EIF5B: variants seen among roughly 807,000 people sequenced by gnomAD.
EIF5B encodes eIF-5B.
Under a neutral mutation model 147.5 loss-of-function variants are expected in EIF5B, and 47 were observed. The observed-to-expected ratio is 0.32, with a 90% CI of 0.25 to 0.41. The LOEUF (loss-of-function observed/expected upper bound fraction) is 0.41. Ranked by LOEUF, EIF5B falls within the 10% of genes least tolerant of loss-of-function variation. The pLI, the probability that EIF5B is intolerant of heterozygous loss-of-function variation, is 1.00. For missense variants in EIF5B, 1,064 were observed against 1,413.2 expected, an observed-to-expected ratio of 0.75 and a Z score of 3.96; for synonymous variants, 455 against 456.2, an observed-to-expected ratio of 1.00 and a Z score of 0.03.
At chr2:99,368,736 C>A in intron 7 of EIF5B, 145 bp downstream of exon 7, 1 of 642,360 alleles carries the variant, frequency 1.6e-6, no homozygotes, top group Non-Finnish European at 2.7e-6. Flanking sequence ...CTTATTAATG[C>A]CATTATTCTC....
intron 1 of EIF5B, among the ~76,000 whole-genome samples, chr2:99,347,581 C>G (rs1310776692): frequency 6.6e-6 from 1 of 151,594 alleles, no homozygotes; most frequent in Non-Finnish European, 1.5e-5. Flanking sequence ...TGTCCTATAA[C>G]TATACTTTGA....
At chr2:99,362,765 CT>C (rs1028296641) in intron 4 of EIF5B, among the ~76,000 whole-genome samples, 5 of 149,202 alleles carry the variant, frequency 3.4e-5, no homozygotes, top group South Asian at 2.1e-4. Flanking sequence ...ATTGACACAA[CT>C]TTTTTTTTTG....
chr2:99,380,233 A>G (rs181459064), intron 12 of EIF5B, among the ~76,000 whole-genome samples: 3 of 152,078 alleles, frequency 2.0e-5, no homozygotes, highest in East Asian at 3.9e-4. Flanking sequence ...TTTGCCCTTC[A>G]TAGAGACAGG....
intron 1 of EIF5B, among the ~76,000 whole-genome samples, chr2:99,354,363 C>A (rs1458382218): frequency 6.6e-6 from 1 of 152,016 alleles, no homozygotes; most frequent in Admixed American, 6.6e-5. Context: ...TGCCTTTTGC[C>A]CATTTTTTAA....
At chr2:99,364,017 A>G (rs1236964121) in intron 5 of EIF5B, among the ~76,000 whole-genome samples, 155 bp downstream of exon 5, 1 of 152,238 alleles carries the variant, frequency 6.6e-6, no homozygotes, top group African/African-American at 2.4e-5. Context: ...ATGAAGAGGT[A>G]CAGCACATCT....
intron 10 of EIF5B, among the ~76,000 whole-genome samples, chr2:99,376,853 A>C (rs925330219): frequency 6.6e-6 from 1 of 152,108 alleles, no homozygotes; most frequent in African/African-American, 2.4e-5. Context: ...TGGTGTGACT[A>C]CTTCATTTTT....
At chr2:99,383,163 C>G (rs370288573) in intron 14 of EIF5B, among the ~76,000 whole-genome samples, 8 of 151,892 alleles carry the variant, frequency 5.3e-5, no homozygotes, top group African/African-American at 1.7e-4. Context: ...TGCCATTTTT[C>G]CAACAGCTTG....
intron 1 of EIF5B, among the ~76,000 whole-genome samples, chr2:99,348,743 T>C (rs898126546): frequency 6.6e-6 from 1 of 152,226 alleles, no homozygotes; most frequent in Admixed American, 6.5e-5. Context: ...TTTAATACTT[T>C]GAGGTTTTGG....
At chr2:99,389,568 G>A in intron 14 of EIF5B, 150 bp from the exon 15 acceptor site, 2 of 598,068 alleles carry the variant, frequency 3.3e-6, no homozygotes, top group South Asian at 1.0e-4. Context: ...TAAGCAGTCT[G>A]AAAGGAGCTT....
chr2:99,371,493 A>G (rs1331359593), intron 8 of EIF5B, among the ~76,000 whole-genome samples, 163 bp from the exon 9 acceptor site: 1 of 151,922 alleles, frequency 6.6e-6, no homozygotes, highest in Non-Finnish European at 1.5e-5. Context: ...CGTCTCAAAA[A>G]AAAAAAAAAA....
intron 1 of EIF5B, among the ~76,000 whole-genome samples, chr2:99,354,324 G>A (rs955591473): frequency 2.0e-5 from 3 of 152,180 alleles, no homozygotes; most frequent in African/African-American, 7.2e-5. Flanking sequence ...TATTTGCCAT[G>A]TGTATATCTT....
chr2:99,379,833 G>A (rs1285602139), intron 12 of EIF5B, among the ~76,000 whole-genome samples: 1 of 151,960 alleles, frequency 6.6e-6, no homozygotes, highest in Non-Finnish European at 1.5e-5. Context: ...GTTTATGTAT[G>A]TTAAATGTAA....
intron 5 of EIF5B, 31 bp from the exon 6 acceptor site, chr2:99,364,240 C>G: frequency 6.5e-7 from 1 of 1,536,398 alleles, no homozygotes; most frequent in Non-Finnish European, 8.7e-7. Context: ...TAAATGAATA[C>G]AGGTTTTGTC....
chr2:99,398,624 G>A, intron 22 of EIF5B, 124 bp from the exon 23 acceptor site: 2 of 999,926 alleles, frequency 2.0e-6, no homozygotes, highest in Middle Eastern at 3.3e-4. Flanking sequence ...GTGATGAAAG[G>A]ATCGCACTGC....
chr2:99,369,844 C>CG (rs1674408081), intron 8 of EIF5B, among the ~76,000 whole-genome samples: 1 of 151,512 alleles, frequency 6.6e-6, no homozygotes, highest in Non-Finnish European at 1.5e-5. Context: ...GGGGTGGTGG[C>CG]GGGTGCCTGT....
Position 99,363,793 on chromosome 2 carries a change from AAGAC to A in EIF5B, c.1072_1075del (p.Gln358ArgfsTer8), listed in dbSNP as rs1419981942. Reference sequence around the variant, plus strand: ...TGGCTAAGCTTAAAGAGGAAGAAGAAAGACAGAAGAGAGAAGAGGAAGAACGTAT... The same window carrying A: ...TGGCTAAGCTTAAAGAGGAAGAAGAAAGAAGAGAGAAGAGGAAGAACGTAT... On this transcript the variant is annotated frameshift_variant, in exon 5 of 24. Transcript: ENST00000289371. LOFTEE classifies it high-confidence loss of function. 3 of 1,613,970 alleles carry A rather than the reference AAGAC, an allele frequency of 1.9e-6. No individual in the cohort carries two copies. The highest frequency in any genetic ancestry group is 2.5e-6 in the Non-Finnish European group (3 of 1,180,018).
chr2:99,349,940 C>G (rs978855186), intron 1 of EIF5B, among the ~76,000 whole-genome samples: 8 of 152,214 alleles, frequency 5.3e-5, no homozygotes, highest in Admixed American at 5.2e-4. Flanking sequence ...TCCTCATTCC[C>G]TCTCCTTCCT....
intron 1 of EIF5B, among the ~76,000 whole-genome samples, chr2:99,352,525 CT>C (rs1163069277): frequency 3.6e-3 from 467 of 128,096 alleles, no homozygotes; most frequent in Middle Eastern, 9.9e-3. Flanking sequence ...CTAATTGTGT[CT>C]TTTTTTTTTT....
chr2:99,392,871 CCT>C (rs1249726150), intron 17 of EIF5B, 94 bp from the exon 18 acceptor site: 19 of 1,153,650 alleles, frequency 1.6e-5, no homozygotes, highest in South Asian at 3.5e-5. Context: ...GTTTAAGAAA[CCT>C]CTCTCTAATA....
Sources: allele counts gnomAD v4.1 joint callset (sites outside exome capture counted in the v4.1 genomes callset), GRCh38; gene constraint gnomAD v4.1.1; transcripts MANE v1.5; gene names NCBI Gene and HGNC (gene_info 2026-07-23, HGNC 2026-07-21).